ACSS3: variants seen among roughly 807,000 people sequenced by gnomAD.
ACSS3 encodes acyl-CoA synthetase short chain family member 3.
A neutral mutation model predicts 84.2 loss-of-function variants in ACSS3; 64 were observed. That is an observed-to-expected ratio of 0.76 (90% confidence interval 0.62 to 0.94). The LOEUF (loss-of-function observed/expected upper bound fraction) is 0.94. ACSS3 is among the 40% of genes least tolerant of loss of function. The probability of loss-of-function intolerance (pLI) is 0.00; values close to 1 mark genes in which losing one functional copy is unlikely to be tolerated. For missense variants in ACSS3, 815 were observed against 867.6 expected (o/e 0.94, Z 0.76); for synonymous variants, 317 against 310.1 (o/e 1.02, Z -0.23).
intron 5 of ACSS3, 117 bp from the exon 6 acceptor site, chr12:81,151,727 C>T: frequency 1.3e-6 from 1 of 781,024 alleles, no homozygotes; most frequent in African/African-American, 1.8e-5. Flanking sequence ...GCCAAAGTAA[C>T]TTGTAGCTAA....
chr12:81,137,918 G>A (rs1193930427), intron 3 of ACSS3, among the ~76,000 whole-genome samples: 6 of 151,972 alleles, frequency 3.9e-5, no homozygotes, highest in African/African-American at 1.2e-4. Context: ...TTGATATGGT[G>A]GAAAGAGGTT....
In ACSS3 at chr12:81,217,007, A is replaced by T. The variant is rs1223124507; in HGVS notation, c.1450+11A>T. 6.3e-7 allele frequency: 1 copy of T among 1,596,456 alleles called. No individual in the cohort carries two copies. Among genetic ancestry groups the T allele is most frequent in the Non-Finnish European group, 8.6e-7 (1 of 1,165,396 alleles). On this transcript the variant is annotated intron_variant, in intron 10 of 15. Coordinates refer to ENST00000548058, the MANE Select transcript of ACSS3 (RefSeq NM_024560.4). The stretch of plus-strand genomic sequence containing the variant: ...TCCCAGGATACAATGGTAAGGAATG[A>T]CCCTGATAATACGTAAAGTTAATAA...
intron 1 of ACSS3, among the ~76,000 whole-genome samples, chr12:81,099,401 C>G (rs1204108755): frequency 6.6e-6 from 1 of 152,066 alleles, no homozygotes; most frequent in East Asian, 1.9e-4. Context: ...TAAATACATG[C>G]AAAGTGCAGA....
chr12:81,176,490 C>T (rs1432569719), intron 8 of ACSS3, among the ~76,000 whole-genome samples: 1 of 152,028 alleles, frequency 6.6e-6, no homozygotes, highest in Admixed American at 6.6e-5. Context: ...AGGAGAATTG[C>T]TTGAACCCAG....
At chr12:81,199,670 C>G (rs1259597881) in intron 9 of ACSS3, 2 of 1,454,304 alleles carry the variant, frequency 1.4e-6, no homozygotes, top group South Asian at 2.4e-5. Flanking sequence ...GTATAAAGCA[C>G]TAAAGACCTC....
chr12:81,191,671 T>C (rs1015466256), intron 8 of ACSS3, among the ~76,000 whole-genome samples: 3 of 152,196 alleles, frequency 2.0e-5, no homozygotes, highest in African/African-American at 2.4e-5. Context: ...AACTTTTCCA[T>C]CTCTTCAAAT....
chr12:81,134,154 A>G (rs1435918256), intron 2 of ACSS3, among the ~76,000 whole-genome samples: 1 of 152,106 alleles, frequency 6.6e-6, no homozygotes, highest in Non-Finnish European at 1.5e-5. Flanking sequence ...AAAAAAAACT[A>G]TAAAGGCAGT....
intron 7 of ACSS3, among the ~76,000 whole-genome samples, chr12:81,157,166 G>T (rs1374325032): frequency 6.6e-6 from 1 of 152,106 alleles, no homozygotes; most frequent in Non-Finnish European, 1.5e-5. Context: ...CTGTGACCAA[G>T]TGGAATTTAT....
intron 9 of ACSS3, among the ~76,000 whole-genome samples, chr12:81,216,333 G>C (rs1048517893): frequency 5.3e-5 from 8 of 151,764 alleles, no homozygotes; most frequent in African/African-American, 1.9e-4. Context: ...ATAGCATTAG[G>C]AGATATACCT....
At chr12:81,103,804 C>G (rs1285893349) in intron 1 of ACSS3, among the ~76,000 whole-genome samples, 1 of 151,864 alleles carries the variant, frequency 6.6e-6, no homozygotes, top group African/African-American at 2.4e-5. Flanking sequence ...ATTCCAAGTT[C>G]AAGTTTTTTG....
chr12:81,171,813 G>A (rs2030067713), intron 7 of ACSS3, among the ~76,000 whole-genome samples: 1 of 152,102 alleles, frequency 6.6e-6, no homozygotes, highest in African/African-American at 2.4e-5. Flanking sequence ...ACATCATAGA[G>A]TATACTTACA....
At chr12:81,161,711 C>T (rs1408705973) in intron 7 of ACSS3, among the ~76,000 whole-genome samples, 1 of 152,182 alleles carries the variant, frequency 6.6e-6, no homozygotes, top group African/African-American at 2.4e-5. Context: ...TCTCTCTGCC[C>T]ACTTGTCCTG....
At chr12:81,077,983 C>G (rs1880720285), upstream of ACSS3, 1 of 1,097,442 alleles carries the variant, frequency 9.1e-7, no homozygotes, top group Non-Finnish European at 1.2e-6. Flanking sequence ...CCCGGCGACT[C>G]TAGTGTGGCT....
At chr12:81,087,528 G>T (rs1881396350) in intron 1 of ACSS3, among the ~76,000 whole-genome samples, 1 of 149,944 alleles carries the variant, frequency 6.7e-6, no homozygotes, top group African/African-American at 2.5e-5. Context: ...GAAAAATTTA[G>T]TAAGACTAAA....
intron 5 of ACSS3, among the ~76,000 whole-genome samples, chr12:81,144,906 T>TTC (rs538420913): frequency 7.1e-5 from 10 of 141,316 alleles, no homozygotes; most frequent in East Asian, 4.0e-4. Context: ...TTCTTTTCTT[T>TTC]TTTTTTTTTT....
chr12:81,127,522 A>G (rs1885183140), intron 2 of ACSS3, among the ~76,000 whole-genome samples: 3 of 152,198 alleles, frequency 2.0e-5, no homozygotes, highest in Admixed American at 2.0e-4. Context: ...AGTATTTTAT[A>G]TAACTCTTTC....
At chr12:81,113,233 A>C (rs528047879) in intron 2 of ACSS3, among the ~76,000 whole-genome samples, 75 of 152,240 alleles carry the variant, frequency 4.9e-4, no homozygotes, top group African/African-American at 1.8e-3. Flanking sequence ...AAGGCAGCCA[A>C]CTCAGCCAGA....
chr12:81,145,026 G>A (rs1432862451), intron 5 of ACSS3, among the ~76,000 whole-genome samples: 1 of 143,894 alleles, frequency 6.9e-6, no homozygotes, highest in Admixed American at 7.2e-5. Flanking sequence ...TTAGCCCCCC[G>A]AGTAGCTGGG....
At chr12:81,166,147 A>T (rs574699948) in intron 7 of ACSS3, among the ~76,000 whole-genome samples, 4 of 152,174 alleles carry the variant, frequency 2.6e-5, no homozygotes, top group African/African-American at 9.6e-5. Context: ...GGGAAGTCCA[A>T]TTGGACTTGG....
Sources: allele counts gnomAD v4.1 joint callset (sites outside exome capture counted in the v4.1 genomes callset), GRCh38; gene constraint gnomAD v4.1.1; transcripts MANE v1.5; gene names NCBI Gene and HGNC (gene_info 2026-07-23, HGNC 2026-07-21).